Variants in NTN1 observed in about 807,000 individuals in gnomAD.
NTN1 encodes netrin-1.
In NTN1, 11 loss-of-function variants were observed where a neutral mutation model predicts 54.2. That is an observed-to-expected ratio of 0.20 (90% CI 0.13 to 0.34). The LOEUF is 0.34. Ranked by LOEUF, NTN1 falls within the 10% of genes least tolerant of loss-of-function variation. The pLI, the probability that NTN1 is intolerant of heterozygous loss-of-function variation, is 1.00. For missense variants in NTN1, 740 were observed against 893.1 expected, an observed-to-expected ratio of 0.83 and a Z score of 2.18; for synonymous variants, 371 against 382.0, an observed-to-expected ratio of 0.97 and a Z score of 0.33.
At chr17:9,079,415 T>G (rs1004166707) in intron 2 of NTN1, among the ~76,000 whole-genome samples, 1 of 152,232 alleles carries the variant, frequency 6.6e-6, no homozygotes, top group African/African-American at 2.4e-5. Context: ...GGGGAGCTTA[T>G]CTTCTCCTCC....
intron 5 of NTN1, among the ~76,000 whole-genome samples, chr17:9,216,308 T>A (rs1176364552): frequency 1.3e-5 from 2 of 152,240 alleles, no homozygotes; most frequent in African/African-American, 2.4e-5. Flanking sequence ...TTCCAACTCT[T>A]TCTTTTATGC....
intron 5 of NTN1, among the ~76,000 whole-genome samples, chr17:9,200,727 T>C (rs777777704): frequency 6.6e-6 from 1 of 152,238 alleles, no homozygotes; most frequent in Non-Finnish European, 1.5e-5. Context: ...CTGACACATT[T>C]ACCAAGAGCC....
chr17:9,152,956 C>G (rs1192926999), intron 2 of NTN1, among the ~76,000 whole-genome samples: 4 of 152,052 alleles, frequency 2.6e-5, no homozygotes, highest in Non-Finnish European at 5.9e-5. Context: ...TGTGTTTGAT[C>G]TTGGTTAGTA....
In NTN1 at chr17:9,032,417, G is replaced by T. The variant is rs112658839; in HGVS notation, c.1018+9026G>T. On this transcript the variant is annotated intron_variant, in intron 2 of 6. Transcript: ENST00000173229. ...CTTATCACTGTCCCTACACTCAAAA[G>T]AAATTATGCCCCAACCTGGGCCAGG... Among the ~76,000 whole-genome samples the T allele has an allele frequency of 1.1e-3, 160 of 152,292 alleles. 1 individual carries two copies. Among genetic ancestry groups the T allele is most frequent in the African/African-American group, 3.6e-3 (149 of 41,544 alleles).
chr17:9,086,727 A>G (rs1337348631), intron 2 of NTN1, among the ~76,000 whole-genome samples: 1 of 152,094 alleles, frequency 6.6e-6, no homozygotes, highest in Non-Finnish European at 1.5e-5. Flanking sequence ...CTCCTTTACC[A>G]TCATTGCCAT....
intron 5 of NTN1, among the ~76,000 whole-genome samples, chr17:9,185,326 C>T (rs1468458793): frequency 3.3e-5 from 5 of 152,146 alleles, no homozygotes; most frequent in Non-Finnish European, 5.9e-5. Flanking sequence ...GGGAGCTCAG[C>T]GCTCTCAAAC....
chr17:9,083,752 G>A (rs929082324), intron 2 of NTN1, among the ~76,000 whole-genome samples: 6 of 152,202 alleles, frequency 3.9e-5, no homozygotes, highest in African/African-American at 7.2e-5. Context: ...AAGACACTAA[G>A]TCCTGGATCA....
chr17:9,055,675 G>A lies in NTN1; in HGVS notation c.1018+32284G>A, dbSNP rs567846282. 5.9e-4 allele frequency among the ~76,000 whole-genome samples: 90 copies of A among 152,250 alleles called. 1 individual carries two copies. The South Asian group carries it at 0.018, about 30-fold the overall frequency. On this transcript the variant is annotated intron_variant, in intron 2 of 6. Coordinates refer to ENST00000173229, the MANE Select transcript of NTN1 (RefSeq NM_004822.3). ...AGGTGGGAAGAGGAGAGGAAGGCAGGATGGATACCATCTTGATGGGCTTGA... is the reference window on the plus strand; with the variant it reads ...AGGTGGGAAGAGGAGAGGAAGGCAGAATGGATACCATCTTGATGGGCTTGA...
intron 3 of NTN1, among the ~76,000 whole-genome samples, chr17:9,166,165 CCACCACCACCACCA>C: frequency 2.5e-5 from 1 of 39,234 alleles, no homozygotes; most frequent in Admixed American, 1.8e-4. Flanking sequence ...ACCACCACCA[CCACCACCACCACCA>C]CCACCACCAC....
intron 2 of NTN1, among the ~76,000 whole-genome samples, chr17:9,028,227 A>G (rs1194396405): frequency 2.6e-5 from 4 of 152,206 alleles, no homozygotes; most frequent in Non-Finnish European, 5.9e-5. Flanking sequence ...ACTATTGTTG[A>G]CAAAGAGAGG....
intron 3 of NTN1, chr17:9,179,086 T>G (rs2092409976): frequency 6.6e-6 from 1 of 152,280 alleles, no homozygotes. Flanking sequence ...TTGCTTCAGC[T>G]CCCAGCCTGG....
intron 6 of NTN1, among the ~76,000 whole-genome samples, chr17:9,225,950 C>G (rs1905525272): frequency 6.6e-6 from 1 of 152,220 alleles, no homozygotes; most frequent in African/African-American, 2.4e-5. Context: ...AGACCTTGCC[C>G]TCGTGTGGCT....
intron 5 of NTN1, among the ~76,000 whole-genome samples, chr17:9,206,521 G>T (rs1904972809): frequency 6.6e-6 from 1 of 152,116 alleles, no homozygotes; most frequent in Non-Finnish European, 1.5e-5. Context: ...AGCCTGGCAG[G>T]CTTGCCCCCT....
At chr17:9,193,087 A>AT (rs1904509665) in intron 5 of NTN1, among the ~76,000 whole-genome samples, 1 of 142,840 alleles carries the variant, frequency 7.0e-6, no homozygotes, top group Non-Finnish European at 1.6e-5. Context: ...CTCAAAAAAA[A>AT]AAAAAAAAGA....
intron 2 of NTN1, among the ~76,000 whole-genome samples, chr17:9,109,643 A>G (rs2092183243): frequency 6.6e-6 from 1 of 152,220 alleles, no homozygotes; most frequent in African/African-American, 2.4e-5. Flanking sequence ...AAGGGTAGAT[A>G]CCAAGAGGCA....
intron 6 of NTN1, among the ~76,000 whole-genome samples, chr17:9,226,161 T>TTGGGG (rs148213778): frequency 2.5e-5 from 3 of 118,080 alleles, no homozygotes; most frequent in Non-Finnish European, 5.4e-5. Context: ...GGATTTGGGG[T>TTGGGG]CGGGGGGGGG....
intron 2 of NTN1, among the ~76,000 whole-genome samples, chr17:9,109,418 T>G (rs2142249959): frequency 6.6e-6 from 1 of 152,368 alleles, no homozygotes; most frequent in South Asian, 2.1e-4. Context: ...AGTCCCTGAC[T>G]TACTGTGCTA....
chr17:9,011,461 TTA>T, the NTN1 span, among the ~76,000 whole-genome samples: 1 of 152,176 alleles, frequency 6.6e-6, no homozygotes, highest in Non-Finnish European at 1.5e-5. Flanking sequence ...ATGATTACAT[TTA>T]GAGTCCATCC....
chr17:9,111,699 A>G (rs1335869020), intron 2 of NTN1, among the ~76,000 whole-genome samples: 1 of 152,226 alleles, frequency 6.6e-6, no homozygotes, highest in African/African-American at 2.4e-5. Flanking sequence ...TGCATGTTAT[A>G]TGTATTATAT....
Sources: gnomAD v4.1 joint callset for allele counts (sites outside exome capture counted in the v4.1 genomes callset) on GRCh38, gnomAD v4.1.1 for gene constraint, MANE v1.5 for transcripts, NCBI Gene and HGNC (gene_info 2026-07-23, HGNC 2026-07-21) for gene names.